The following ZNF79 variants were observed in gnomAD, a reference collection of about 807,000 sequenced individuals.
ZNF79 encodes the protein zinc finger protein 79, also known as ZNFpT7.
ZNF79 carries 13 observed loss-of-function variants against 14.9 expected under a neutral mutation model. The ratio of observed to expected loss-of-function variants is 0.87; its 90% confidence interval spans 0.57 to 1.38. The LOEUF is 1.38. ZNF79 is among the 40% of genes most tolerant of loss of function. ZNF79 has a pLI of 0.00. For synonymous variants in ZNF79, 223 were observed against 235.1 expected (o/e 0.95, Z 0.47); for missense variants, 631 against 630.6 (o/e 1.00, Z -0.01).
rs1410462037 is a variant in ZNF79 at position 127,445,273 on chromosome 9, T to C, written c.*76T>C. On this transcript the variant is annotated 3_prime_UTR_variant, in exon 5 of 5. Transcript: ENST00000342483. Reference sequence around the variant, plus strand: ...AGGTGGGTGAGGATCTGAGAAATGCTAAAGGCTTGAAAGCATCTGAAGACA... The same window carrying C: ...AGGTGGGTGAGGATCTGAGAAATGCCAAAGGCTTGAAAGCATCTGAAGACA... 2 of 1,503,266 alleles carry C rather than the reference T, an allele frequency of 1.3e-6. No homozygotes were observed. Among genetic ancestry groups the C allele is most frequent in the Non-Finnish European group, 9.0e-7 (1 of 1,108,316 alleles). The allele number at this position is 1,503,266 out of a possible 1,614,324, so 93.1% of individuals were successfully genotyped here. A position where few individuals can be genotyped will look rare whatever the true frequency, so the allele number is the denominator to read the frequency against.
At chr9:127,429,727 C>T (rs989035161) in intron 2 of ZNF79, among the ~76,000 whole-genome samples, 1 of 151,852 alleles carries the variant, frequency 6.6e-6, no homozygotes, top group Admixed American at 6.6e-5. Flanking sequence ...AGAGAAAACA[C>T]AAAAAGTTAA....
rs370654520 is a variant in ZNF79 at position 127,445,213 on chromosome 9, A to T, written c.*16A>T. 1.9e-6 allele frequency: 3 copies of T among 1,611,184 alleles called. No homozygotes were observed. Among genetic ancestry groups the T allele is most frequent in the Non-Finnish European group, 2.5e-6 (3 of 1,177,978 alleles). On this transcript the variant is annotated 3_prime_UTR_variant, in exon 5 of 5. Transcript: ENST00000342483. ...CGGAGAGTAACTAGGAACATGGTAG[A>T]AGTGGAGAGAGTCCCGGACATGCCG...
At chr9:127,435,275 T>G in intron 3 of ZNF79, 59 bp downstream of exon 3, 1 of 1,527,544 alleles carries the variant, frequency 6.5e-7, no homozygotes, top group Non-Finnish European at 8.8e-7. Flanking sequence ...CTGTGGCACT[T>G]GCTTTCCAGC....
At position 127,424,630 on chromosome 9, in the gene ZNF79, C is replaced by G. The variant is rs1490176721; in HGVS notation, c.-158C>G. 6.1e-6 allele frequency: 7 copies of G among 1,156,600 alleles called. No individual in the cohort carries two copies. The highest frequency in any genetic ancestry group is 8.7e-6 in the Non-Finnish European group (7 of 805,298). 71.6% of individuals were successfully genotyped at this position (1,156,600 alleles called of 1,614,324 possible). ...CCGGACAGCTCCCGCGACCCAGCACCGCAGGATCAGACCGTGCCTCTGCGG... is the reference window on the plus strand; with the variant it reads ...CCGGACAGCTCCCGCGACCCAGCACGGCAGGATCAGACCGTGCCTCTGCGG... On this transcript the variant is annotated 5_prime_UTR_variant, in exon 1 of 5. Transcript: ENST00000342483.
intron 1 of ZNF79, among the ~76,000 whole-genome samples, chr9:127,425,634 C>G (rs1479998136): frequency 6.6e-6 from 1 of 152,134 alleles, no homozygotes; most frequent in Non-Finnish European, 1.5e-5. Flanking sequence ...GCTCTGTCGC[C>G]GAGGCTGGAG....
Position 127,444,234 on chromosome 9 carries a change from C to G in ZNF79, c.534C>G (p.Ser178Arg). Residue 178 changes from serine (S) to arginine (R), a missense_variant, in exon 5 of 5, where the codon AGC (serine) becomes AGG (arginine). By Grantham distance (110) the Ser-to-Arg change is moderately radical (BLOSUM62 -1). Coordinates refer to ENST00000342483, the MANE Select transcript of ZNF79 (RefSeq NM_007135.3). ...RPRKCETHTESFKNSEILKPH... is the reference protein window; with the variant it reads ...RPRKCETHTERFKNSEILKPH... ...GCAAATGTGAGACACACACCGAGAGCTTCAAGAACTCGGAAATCCTGAAAC... is the reference window on the plus strand; with the variant it reads ...GCAAATGTGAGACACACACCGAGAGGTTCAAGAACTCGGAAATCCTGAAAC... The G allele has an allele frequency of 6.2e-7, 1 of 1,614,156 alleles. No homozygotes were observed. Among genetic ancestry groups the G allele is most frequent in the Non-Finnish European group, 8.5e-7 (1 of 1,179,996 alleles).
At chr9:127,431,220 A>T (rs1833853022) in intron 2 of ZNF79, among the ~76,000 whole-genome samples, 1 of 149,048 alleles carries the variant, frequency 6.7e-6, no homozygotes, top group Non-Finnish European at 1.5e-5. Context: ...CTATTCTGTC[A>T]GTTGTGTATT....
Position 127,444,731 on chromosome 9 carries a change from A to T in ZNF79, c.1031A>T (p.Tyr344Phe), listed in dbSNP as rs1354134266. The T allele has an allele frequency of 6.2e-7, 1 of 1,612,694 alleles. No individual in the cohort carries two copies. The highest frequency in any genetic ancestry group is 2.2e-5 in the East Asian group (1 of 44,738). The change falls in exon 5 of 5, where the codon TAC becomes TTC. Residue 344 changes from tyrosine (Y) to phenylalanine (F), a missense_variant. Transcript: ENST00000342483. ...AGCGAGTGTGGGAAGGCCTTCAGTT[A>T]CTGCGCAGCGTTCATTCAGCACCAG... ...KCSECGKAFS[Y>F]CAAFIQHQRI...
At chr9:127,428,805 A>C in intron 1 of ZNF79, 27 bp from the exon 2 acceptor site, 2 of 1,535,116 alleles carry the variant, frequency 1.3e-6, no homozygotes, top group Non-Finnish European at 1.8e-6. Context: ...TGCTTTTAAC[A>C]TTATTAGTTT....
At chr9:127,434,622 A>C (rs1269548369) in intron 2 of ZNF79, among the ~76,000 whole-genome samples, 1 of 152,172 alleles carries the variant, frequency 6.6e-6, no homozygotes, top group African/African-American at 2.4e-5. Flanking sequence ...TCATAGTGTT[A>C]GGCACTGCAA....
Position 127,432,892 on chromosome 9 carries a change from G to A in ZNF79, c.106-2198G>A, listed in dbSNP as rs185897461. 4.4e-3 allele frequency among the ~76,000 whole-genome samples: 667 copies of A among 152,090 alleles called. 6 individuals carry two copies. The highest frequency in any genetic ancestry group is 0.035 in the South Asian group (168 of 4,816). ...TTCATGACATTTATATCTTTATAAT[G>A]GATATTACTTTCCTGATTATTTTGA... On this transcript the variant is annotated intron_variant, in intron 2 of 4. Coordinates refer to ENST00000342483, the MANE Select transcript of ZNF79 (RefSeq NM_007135.3).
Position 127,424,639 on chromosome 9 carries a change from A to G in ZNF79, c.-149A>G. The G allele has an allele frequency of 1.6e-6, 2 of 1,251,054 alleles. No homozygotes were observed. Among genetic ancestry groups the G allele is most frequent in the Non-Finnish European group, 2.3e-6 (2 of 883,404 alleles). 77.5% of individuals were successfully genotyped at this position (1,251,054 alleles called of 1,614,324 possible). ...TCCCGCGACCCAGCACCGCAGGATC[A>G]GACCGTGCCTCTGCGGGGAGAGGCT... On this transcript the variant is annotated 5_prime_UTR_variant, in exon 1 of 5. Transcript: ENST00000342483.
In ZNF79 at chr9:127,444,016, A is replaced by T. The variant is rs1564238546; in HGVS notation, c.329-13A>T. 2 of 1,550,688 alleles carry T rather than the reference A, an allele frequency of 1.3e-6. No individual in the cohort carries two copies. Among genetic ancestry groups the T allele is most frequent in the Non-Finnish European group, 1.7e-6 (2 of 1,148,078 alleles). ...CACCAAGGGAACACAACAGCTTTTCATTTTTTTTTCAGGCTGGAAGATTAT... is the reference window on the plus strand; with the variant it reads ...CACCAAGGGAACACAACAGCTTTTCTTTTTTTTTTCAGGCTGGAAGATTAT... On this transcript the variant is annotated splice_polypyrimidine_tract_variant and intron_variant, in intron 4 of 4. Transcript: ENST00000342483.
intron 1 of ZNF79, among the ~76,000 whole-genome samples, chr9:127,426,113 T>C (rs1453337421): frequency 6.6e-6 from 1 of 152,252 alleles, no homozygotes; most frequent in East Asian, 1.9e-4. Context: ...ATTTATTTTA[T>C]TCAGATATCA....
intron 4 of ZNF79, among the ~76,000 whole-genome samples, chr9:127,439,343 A>G (rs1247741233): frequency 6.6e-6 from 1 of 152,208 alleles, no homozygotes; most frequent in African/African-American, 2.4e-5. Context: ...CCATATATGA[A>G]AAATGTAGAT....
chr9:127,427,280 G>A (rs1478312944), intron 1 of ZNF79, among the ~76,000 whole-genome samples: 8 of 151,004 alleles, frequency 5.3e-5, no homozygotes, highest in Admixed American at 1.3e-4. Context: ...AAAGTTAGCC[G>A]GGCGTGGTGG....
chr9:127,424,665 G>GGA lies in ZNF79; in HGVS notation c.-119_-118dup. ...GACCGTGCCTCTGCGGGGAGAGGCT[G>GGA]GAGAGGAAGAGTCCGGCCTGGGAGC... On this transcript the variant is annotated 5_prime_UTR_variant, in exon 1 of 5. Transcript: ENST00000342483. 6.8e-7 allele frequency: 1 copy of GGA among 1,472,732 alleles called. No individual in the cohort carries two copies. Among genetic ancestry groups the GGA allele is most frequent in the Non-Finnish European group, 9.4e-7 (1 of 1,068,828 alleles). 91.2% of individuals were successfully genotyped at this position (1,472,732 alleles called of 1,614,324 possible).
At chr9:127,435,043 C>G (rs1833921765) in intron 2 of ZNF79, 47 bp from the exon 3 acceptor site, 1 of 1,576,516 alleles carries the variant, frequency 6.3e-7, no homozygotes. Flanking sequence ...CCCTATCACC[C>G]TAGATCCTAA....
rs1487545748 is a variant in ZNF79, at chr9:127,436,104, G to A, written c.328+101G>A. On this transcript the variant is annotated intron_variant, in intron 4 of 4. Coordinates refer to ENST00000342483, the MANE Select transcript of ZNF79 (RefSeq NM_007135.3). ...TTATCATAACAACTGTGAGGTAGGC[G>A]CTATTACCCCCATTCTACAGATGAG... 11 of 954,962 alleles carry A rather than the reference G, an allele frequency of 1.2e-5. No homozygotes were observed. In the East Asian group the frequency reaches 1.2e-4, roughly 11 times the overall value. The allele number at this position is 954,962 out of a possible 1,614,324, so 59.2% of individuals were successfully genotyped here.
Sources: gnomAD v4.1 joint callset for allele counts (sites outside exome capture counted in the v4.1 genomes callset) on GRCh38, gnomAD v4.1.1 for gene constraint, MANE v1.5 for transcripts, NCBI Gene and HGNC (gene_info 2026-07-23, HGNC 2026-07-21) for gene names.